FOCAD: variants seen among roughly 807,000 people sequenced by gnomAD.
FOCAD encodes the protein KIAA1797.
A neutral mutation model predicts 225.6 loss-of-function variants in FOCAD; 198 were observed. The ratio of observed to expected loss-of-function variants is 0.88; its 90% confidence interval spans 0.78 to 0.99. The LOEUF is 0.99. FOCAD is among the 50% of genes least tolerant of loss of function. The pLI, the probability that FOCAD is intolerant of heterozygous loss-of-function variation, is 0.00. For missense variants in FOCAD, 2,713 were observed against 2,123.6 expected (o/e 1.28, Z -5.46); for synonymous variants, 897 against 755.0 (o/e 1.19, Z -3.08).
intron 1 of FOCAD, among the ~76,000 whole-genome samples, chr9:20,687,105 T>C (rs1052072228): frequency 6.6e-6 from 1 of 152,108 alleles, no homozygotes. Flanking sequence ...GTTACTTTAG[T>C]TTTATATATT....
At chr9:20,853,006 C>G (rs534507454) in intron 15 of FOCAD, among the ~76,000 whole-genome samples, 1 of 151,792 alleles carries the variant, frequency 6.6e-6, no homozygotes, top group African/African-American at 2.4e-5. Context: ...AAAATTTCCT[C>G]TGATTATTGT....
In FOCAD at chr9:20,722,575, T is replaced by C. The variant is rs192950489; in HGVS notation, c.287+2041T>C. On this transcript the variant is annotated intron_variant, in intron 4 of 43. Coordinates refer to ENST00000338382, the MANE Select transcript of FOCAD (RefSeq NM_001375567.1). ...CTGACACTTAGTAGATGCCCAGATATTTCTGAATAAGTGAAGGTTTGATCA... is the reference window on the plus strand; with the variant it reads ...CTGACACTTAGTAGATGCCCAGATACTTCTGAATAAGTGAAGGTTTGATCA... 2.5e-4 allele frequency among the ~76,000 whole-genome samples: 38 copies of C among 152,392 alleles called. No homozygotes were observed. In the East Asian group the frequency reaches 7.3e-3, roughly 29 times the overall value.
intron 1 of FOCAD, among the ~76,000 whole-genome samples, chr9:20,689,914 T>C (rs1185432596): frequency 6.6e-6 from 1 of 152,262 alleles, no homozygotes; most frequent in Non-Finnish European, 1.5e-5. Context: ...ATTTGTGTTA[T>C]CTGTCGGAGA....
chr9:20,662,190 G>A lies in FOCAD; in HGVS notation c.-78+3364G>A, dbSNP rs188022055. On this transcript the variant is annotated intron_variant, in intron 2 of 45. Coordinates refer to the FOCAD transcript ENST00000380249. ...AAACATAAAGTGGAAATATATGTGT[G>A]TGTGTGTGCATATATGTGTGTGTGT... 4.6e-3 allele frequency among the ~76,000 whole-genome samples: 684 copies of A among 149,834 alleles called. 4 individuals are homozygous for A. Among genetic ancestry groups the A allele is most frequent in the African/African-American group, 0.016 (655 of 41,280 alleles).
intron 11 of FOCAD, among the ~76,000 whole-genome samples, chr9:20,796,884 C>G (rs1203909950): frequency 6.6e-6 from 1 of 151,674 alleles, no homozygotes; most frequent in Admixed American, 6.6e-5. Context: ...ACATGAAGTC[C>G]TTGCCCATAC....
intron 38 of FOCAD, 56 bp from the exon 39 acceptor site, chr9:20,982,301 T>C: frequency 8.1e-7 from 1 of 1,228,850 alleles, no homozygotes; most frequent in South Asian, 1.3e-5. Flanking sequence ...TGTCAGAACA[T>C]TTTGACCTGT....
intron 5 of FOCAD, among the ~76,000 whole-genome samples, chr9:20,755,634 C>G (rs1171347509): frequency 6.6e-6 from 1 of 151,920 alleles, no homozygotes; most frequent in East Asian, 1.9e-4. Context: ...TGTGTGATAA[C>G]TTGTTGAGTT....
intron 28 of FOCAD, among the ~76,000 whole-genome samples, chr9:20,940,242 T>C (rs765701266): frequency 5.3e-5 from 8 of 151,804 alleles, no homozygotes; most frequent in Non-Finnish European, 1.2e-4. Flanking sequence ...TGCTTCATCA[T>C]TACTAATGCT....
chr9:20,769,868 G>A (rs957130708), intron 7 of FOCAD, among the ~76,000 whole-genome samples, 164 bp from the exon 8 acceptor site: 1 of 152,216 alleles, frequency 6.6e-6, no homozygotes, highest in Non-Finnish European at 1.5e-5. Context: ...ATAAGGTGCA[G>A]TTGTATAGTT....
rs567571850 is a variant in FOCAD, at chr9:20,946,410, A to C, written c.3556-291A>C. 3.9e-5 allele frequency among the ~76,000 whole-genome samples: 6 copies of C among 152,314 alleles called. No homozygotes were observed. The East Asian group carries it at 1.2e-3, about 29-fold the overall frequency. ...GCATAATGTGGTGAAGAAATTTACTATTATGAGTCTAAAGACCTGGGCTTG... is the reference window on the plus strand; with the variant it reads ...GCATAATGTGGTGAAGAAATTTACTCTTATGAGTCTAAAGACCTGGGCTTG... On this transcript the variant is annotated intron_variant, in intron 29 of 43. Transcript: ENST00000338382.
intron 9 of FOCAD, among the ~76,000 whole-genome samples, chr9:20,779,611 G>C (rs941648417): frequency 2.0e-5 from 3 of 152,184 alleles, no homozygotes; most frequent in Admixed American, 6.5e-5. Context: ...TTAGCCAGGC[G>C]TGGTGGCGCA....
chr9:20,671,261 G>A (rs1019182330), intron 2 of FOCAD, among the ~76,000 whole-genome samples: 9 of 151,680 alleles, frequency 5.9e-5, no homozygotes, highest in African/African-American at 1.5e-4. Flanking sequence ...TTGAACTCTC[G>A]GTGGCAAATT....
intron 35 of FOCAD, among the ~76,000 whole-genome samples, chr9:20,966,489 A>G (rs1839266208): frequency 2.6e-5 from 4 of 152,126 alleles, no homozygotes; most frequent in African/African-American, 9.7e-5. Context: ...TTACTTGATA[A>G]TACCCTTTAA....
chr9:20,683,501 G>A (rs573234604), upstream of FOCAD: 1 of 152,006 alleles, frequency 6.6e-6, no homozygotes, highest in Admixed American at 6.6e-5. Context: ...GTTTCATCGT[G>A]GCTGCTGTCT....
chr9:20,805,541 G>C (rs1822331529), intron 11 of FOCAD, among the ~76,000 whole-genome samples: 1 of 151,908 alleles, frequency 6.6e-6, no homozygotes, highest in African/African-American at 2.4e-5. Flanking sequence ...TTAATTTTCA[G>C]GTCAAATACC....
chr9:20,982,764 C>T (rs1270435198), intron 39 of FOCAD, among the ~76,000 whole-genome samples: 2 of 152,184 alleles, frequency 1.3e-5, no homozygotes, highest in African/African-American at 4.8e-5. Context: ...AGCCCTGACA[C>T]AGGATAATTT....
Position 20,912,738 on chromosome 9 carries a change from A to G in FOCAD, c.2719-128A>G, listed in dbSNP as rs114792312. ...GATTTCTCCTCACACATCCTCTTTC[A>G]TAATCTAATGTCTTACCCAGAACAC... On this transcript the variant is annotated intron_variant, in intron 22 of 43. Coordinates refer to ENST00000338382, the MANE Select transcript of FOCAD (RefSeq NM_001375567.1). The G allele has an allele frequency of 1.5e-3, 984 of 646,944 alleles. 4 individuals carry two copies. In the African/African-American group the frequency reaches 0.016, roughly 10 times the overall value. 40.1% of individuals were successfully genotyped at this position (646,944 alleles called of 1,614,324 possible).
intron 15 of FOCAD, among the ~76,000 whole-genome samples, chr9:20,845,185 T>A (rs1467502874): frequency 6.6e-6 from 1 of 152,048 alleles, no homozygotes; most frequent in Non-Finnish European, 1.5e-5. Context: ...ATATTGGTTT[T>A]TAAAGTATTT....
chr9:20,912,163 C>CAACA (rs148486256), intron 22 of FOCAD, among the ~76,000 whole-genome samples: 2,532 of 151,946 alleles, frequency 0.017, 74 homozygotes, highest in African/African-American at 0.057. Flanking sequence ...TAGGGCCCAT[C>CAACA]AACAAACAGT....
Sources: allele counts gnomAD v4.1 joint callset (sites outside exome capture counted in the v4.1 genomes callset), GRCh38; gene constraint gnomAD v4.1.1; transcripts MANE v1.5; gene names NCBI Gene and HGNC (gene_info 2026-07-23, HGNC 2026-07-21).